SLC30A8: variants seen among roughly 807,000 people sequenced by gnomAD.
The protein encoded by SLC30A8 is proton-coupled zinc antiporter SLC30A8.
Under a neutral mutation model 36.9 loss-of-function variants are expected in SLC30A8, and 27 were observed. That is an observed-to-expected ratio of 0.73 (90% CI 0.54 to 1.01). SLC30A8 has a LOEUF of 1.01. Among genes scored for constraint, SLC30A8 ranks in the 50% least tolerant of loss-of-function variants. The probability of loss-of-function intolerance (pLI) is 0.00; values close to 1 mark genes in which losing one functional copy is unlikely to be tolerated. For missense variants in SLC30A8, 439 were observed against 452.0 expected (o/e 0.97, Z 0.26); for synonymous variants, 164 against 172.4 (o/e 0.95, Z 0.38).
intron 1 of SLC30A8, among the ~76,000 whole-genome samples, chr8:117,023,203 T>C (rs1406403953): frequency 1.3e-5 from 2 of 152,156 alleles, no homozygotes; most frequent in Non-Finnish European, 1.5e-5. Flanking sequence ...ATGGCTATCA[T>C]TAAAAAGTCA....
intron 1 of SLC30A8, among the ~76,000 whole-genome samples, chr8:117,002,109 G>C (rs904869867): frequency 6.6e-6 from 1 of 152,190 alleles, no homozygotes; most frequent in African/African-American, 2.4e-5. Flanking sequence ...CATTGGTTCA[G>C]TGCATCAAAA....
chr8:117,108,570 A>T (rs536465334), intron 2 of SLC30A8, among the ~76,000 whole-genome samples: 18 of 152,320 alleles, frequency 1.2e-4, no homozygotes, highest in African/African-American at 3.8e-4. Context: ...GATCCTAAAA[A>T]AAGATGAGAA....
At chr8:117,004,635 A>G (rs996194196) in intron 1 of SLC30A8, among the ~76,000 whole-genome samples, 3 of 152,320 alleles carry the variant, frequency 2.0e-5, no homozygotes, top group Admixed American at 1.3e-4. Context: ...TAATCATTCA[A>G]TCAATGAAAG....
At chr8:117,118,817 G>C (rs1820563188) in intron 2 of SLC30A8, among the ~76,000 whole-genome samples, 1 of 151,784 alleles carries the variant, frequency 6.6e-6, no homozygotes, top group South Asian at 2.1e-4. Flanking sequence ...TTTATTAACT[G>C]AACAACAATT....
rs77542003 is a variant in SLC30A8, at chr8:116,968,378, T to C, written c.-266+17259T>C. Among the ~76,000 whole-genome samples, 666 of 150,118 alleles carry C rather than the reference T, an allele frequency of 4.4e-3. 11 individuals carry two copies. In the East Asian group the frequency reaches 0.063, roughly 14 times the overall value. ...TATATAAATAAGCTATAGTATATTA[T>C]ATAGTATACTATATTAATAAGCTAT... On this transcript the variant is annotated intron_variant, in intron 1 of 10. Transcript: ENST00000427715.
intron 4 of SLC30A8, among the ~76,000 whole-genome samples, chr8:117,160,457 G>T (rs78662529): frequency 4.7e-5 from 7 of 150,074 alleles, no homozygotes; most frequent in African/African-American, 1.8e-4. Context: ...GCGCGCGGTG[G>T]GGGAGTGGGG....
At chr8:117,158,781 CATCT>C (rs34152040) in intron 4 of SLC30A8, among the ~76,000 whole-genome samples, 36,150 of 151,954 alleles carry the variant, frequency 0.24, 4,600 homozygotes, top group East Asian at 0.33. Context: ...TCCATCCATC[CATCT>C]ATCTATCTAG....
intron 1 of SLC30A8, among the ~76,000 whole-genome samples, chr8:116,990,038 G>A (rs1815577399): frequency 6.6e-6 from 1 of 152,166 alleles, no homozygotes; most frequent in Admixed American, 6.5e-5. Flanking sequence ...CATATTCCCA[G>A]TCATTCAATT....
At chr8:117,042,514 A>G (rs572043170) in intron 2 of SLC30A8, among the ~76,000 whole-genome samples, 1 of 152,130 alleles carries the variant, frequency 6.6e-6, no homozygotes, top group Non-Finnish European at 1.5e-5. Flanking sequence ...GGTTTGGGAA[A>G]TGTATCCTCA....
chr8:117,139,234 C>T (rs1415616750), intron 1 of SLC30A8, among the ~76,000 whole-genome samples: 1 of 152,026 alleles, frequency 6.6e-6, no homozygotes, highest in Non-Finnish European at 1.5e-5. Context: ...GCCAGTGTGG[C>T]TGTATTTGGA....
intron 2 of SLC30A8, among the ~76,000 whole-genome samples, chr8:117,087,015 A>G (rs1818905758): frequency 6.6e-6 from 1 of 152,242 alleles, no homozygotes; most frequent in Non-Finnish European, 1.5e-5. Context: ...GGCATTTCAC[A>G]TGGCTATCTC....
At chr8:117,103,661 G>A (rs6415466) in intron 2 of SLC30A8, among the ~76,000 whole-genome samples, 141,652 of 152,214 alleles carry the variant, frequency 0.93, 66,071 homozygotes, top group East Asian at 1. Flanking sequence ...TTTTTCGTAG[G>A]GACAGGTTTT....
intron 1 of SLC30A8, among the ~76,000 whole-genome samples, chr8:116,976,825 T>TCTTTCTTTCTTTC (rs199570679): frequency 1.0e-4 from 15 of 144,982 alleles, no homozygotes; most frequent in African/African-American, 3.3e-4. Context: ...TTTCTTTCTT[T>TCTTTCTTTCTTTC]TTTTTTTTTT....
chr8:116,970,216 G>A (rs1030175280), intron 1 of SLC30A8, among the ~76,000 whole-genome samples: 6 of 152,012 alleles, frequency 3.9e-5, no homozygotes, highest in East Asian at 1.9e-4. Context: ...TCAGGGTCAC[G>A]ATCATCAATA....
chr8:117,140,924 A>G (rs1366075311), intron 1 of SLC30A8, among the ~76,000 whole-genome samples: 1 of 152,122 alleles, frequency 6.6e-6, no homozygotes, highest in Non-Finnish European at 1.5e-5. Flanking sequence ...TAAAATGTAT[A>G]TAATCTTAGA....
intron 2 of SLC30A8, among the ~76,000 whole-genome samples, chr8:117,099,731 C>T (rs1026635638): frequency 6.6e-6 from 1 of 152,104 alleles, no homozygotes; most frequent in Non-Finnish European, 1.5e-5. Flanking sequence ...TCATCAGTCT[C>T]TTTTTGGACA....
intron 6 of SLC30A8, among the ~76,000 whole-genome samples, chr8:117,170,134 G>T (rs927785470): frequency 4.6e-5 from 7 of 152,078 alleles, no homozygotes; most frequent in African/African-American, 1.7e-4. Context: ...TATCCACAGA[G>T]ATTCTGATTT....
chr8:117,137,569 T>C lies in SLC30A8; in HGVS notation c.71+2171T>C, dbSNP rs1210110048. Among the ~76,000 whole-genome samples, 3 of 151,982 alleles carry C rather than the reference T, an allele frequency of 2.0e-5. No homozygotes were observed. The East Asian group carries it at 5.8e-4, about 30-fold the overall frequency. ...GGAATAGAAGGCTGCATTCTGCTGG[T>C]ATCTGGGCTAGGCTAGAAGGTTTAA... On this transcript the variant is annotated intron_variant, in intron 1 of 7. Coordinates refer to ENST00000456015, the MANE Select transcript of SLC30A8 (RefSeq NM_173851.3).
At chr8:117,080,250 A>G (rs1479307828) in intron 2 of SLC30A8, among the ~76,000 whole-genome samples, 1 of 152,222 alleles carries the variant, frequency 6.6e-6, no homozygotes, top group Non-Finnish European at 1.5e-5. Flanking sequence ...TGAATATAAG[A>G]ACAATTCATA....
Sources: gnomAD v4.1 joint callset for allele counts (sites outside exome capture counted in the v4.1 genomes callset) on GRCh38, gnomAD v4.1.1 for gene constraint, MANE v1.5 for transcripts, NCBI Gene and HGNC (gene_info 2026-07-23, HGNC 2026-07-21) for gene names.